The following N4BP1 variants were observed in gnomAD, a reference collection of about 807,000 sequenced individuals.
The protein encoded by N4BP1 is NEDD4 binding protein 1.
A neutral mutation model predicts 70.9 loss-of-function variants in N4BP1; 21 were observed. That is an observed-to-expected ratio of 0.30 (90% confidence interval 0.21 to 0.43). N4BP1 has a LOEUF of 0.43. Among genes scored for constraint, N4BP1 ranks in the 20% least tolerant of loss-of-function variants. The pLI is 1.00. For missense variants in N4BP1, 936 were observed against 1,069.4 expected (o/e 0.88, Z 1.74); for synonymous variants, 387 against 394.6 (o/e 0.98, Z 0.23).
intron 2 of N4BP1, among the ~76,000 whole-genome samples, chr16:48,557,452 T>C (rs1963772589): frequency 1.3e-5 from 2 of 152,238 alleles, no homozygotes; most frequent in Non-Finnish European, 2.9e-5. Context: ...CTTCATGTTG[T>C]ATAAATTATA....
At chr16:48,559,939 A>G (rs1031412380) in intron 2 of N4BP1, among the ~76,000 whole-genome samples, 7 of 152,182 alleles carry the variant, frequency 4.6e-5, no homozygotes, top group Non-Finnish European at 1.0e-4. Context: ...TGTTGAAATG[A>G]TATGGTAAAG....
At chr16:48,580,691 T>C (rs1567439021) in intron 1 of N4BP1, among the ~76,000 whole-genome samples, 1 of 152,146 alleles carries the variant, frequency 6.6e-6, no homozygotes, top group Non-Finnish European at 1.5e-5. Flanking sequence ...CAAAATATAG[T>C]TGGCCTTCTC....
At chr16:48,551,862 TA>T (rs908555151) in intron 3 of N4BP1, among the ~76,000 whole-genome samples, 1 of 152,012 alleles carries the variant, frequency 6.6e-6, no homozygotes, top group Non-Finnish European at 1.5e-5. Flanking sequence ...CTACTAAAAA[TA>T]CAAAATTAGC....
intron 1 of N4BP1, among the ~76,000 whole-genome samples, chr16:48,593,544 T>A (rs1332078816): frequency 6.6e-6 from 1 of 152,212 alleles, no homozygotes; most frequent in Non-Finnish European, 1.5e-5. Flanking sequence ...TAAAGAGGTA[T>A]TATTCTGTTT....
At chr16:48,592,164 G>C (rs954409791) in intron 1 of N4BP1, among the ~76,000 whole-genome samples, 1 of 152,162 alleles carries the variant, frequency 6.6e-6, no homozygotes, top group African/African-American at 2.4e-5. Context: ...AGGAGGTGGA[G>C]GTTGCAATGA....
chr16:48,584,306 T>G (rs1046381605), intron 1 of N4BP1, among the ~76,000 whole-genome samples: 1 of 152,244 alleles, frequency 6.6e-6, no homozygotes, highest in African/African-American at 2.4e-5. Flanking sequence ...ATGAAAGAAC[T>G]GTCTTTTTGA....
intron 1 of N4BP1, among the ~76,000 whole-genome samples, chr16:48,601,711 T>G (rs910446832): frequency 2.0e-5 from 3 of 151,438 alleles, no homozygotes; most frequent in East Asian, 1.9e-4. Flanking sequence ...TTTTTTGTGG[T>G]TTTTTTTGGT....
At chr16:48,551,855 C>T (rs1376662433) in intron 3 of N4BP1, among the ~76,000 whole-genome samples, 1 of 152,094 alleles carries the variant, frequency 6.6e-6, no homozygotes, top group African/African-American at 2.4e-5. Context: ...CCTGTCTCTA[C>T]TAAAAATACA....
At chr16:48,600,228 C>A in intron 1 of N4BP1, 1 of 796,228 alleles carries the variant, frequency 1.3e-6, no homozygotes, top group Non-Finnish European at 2.2e-6. Context: ...GATGTTCATC[C>A]GCAACGACTG....
In N4BP1 at chr16:48,538,964, G is replaced by A. The variant is rs1307707854; in HGVS notation, c.*3940C>T. 6.6e-6 allele frequency: 1 copy of A among 152,348 alleles called. No individual in the cohort carries two copies. The highest frequency in any genetic ancestry group is 2.4e-5 in the African/African-American group (1 of 41,436). 9.4% of individuals were successfully genotyped at this position (152,348 alleles called of 1,614,324 possible). On this transcript the variant is annotated 3_prime_UTR_variant, in exon 7 of 7. Coordinates refer to ENST00000262384, the MANE Select transcript of N4BP1 (RefSeq NM_153029.4). Reference sequence around the variant, plus strand: ...GGGGATGCTTCTGGCAGAAGCACTGGAAAGGAGACGAGGACTCAGGCTGGG... The same window carrying A: ...GGGGATGCTTCTGGCAGAAGCACTGAAAAGGAGACGAGGACTCAGGCTGGG...
In N4BP1 at chr16:48,594,170, G is replaced by A. The variant is rs550331616; in HGVS notation, c.198+15605C>T. On this transcript the variant is annotated intron_variant, in intron 1 of 6. Coordinates refer to ENST00000262384, the MANE Select transcript of N4BP1 (RefSeq NM_153029.4). ...TTAAGTAAACTACAAAAAAGGTGGC[G>A]GAGGGGGTGGTGTTGAGAGAAAAGA... is the stretch of plus-strand genomic sequence containing the variant. Among the ~76,000 whole-genome samples the A allele has an allele frequency of 1.1e-4, 17 of 152,260 alleles. 1 individual carries two copies. Among genetic ancestry groups the A allele is most frequent in the African/African-American group, 3.1e-4 (13 of 41,526 alleles).
chr16:48,592,942 GGT>G (rs1191635425), intron 1 of N4BP1, among the ~76,000 whole-genome samples: 1 of 152,086 alleles, frequency 6.6e-6, no homozygotes, highest in African/African-American at 2.4e-5. Flanking sequence ...TAAAAAGACT[GGT>G]TGTTTAAAGA....
At chr16:48,548,626 C>T (rs1402288897) in intron 4 of N4BP1, among the ~76,000 whole-genome samples, 1 of 151,998 alleles carries the variant, frequency 6.6e-6, no homozygotes, top group Non-Finnish European at 1.5e-5. Context: ...GTGGGCGGAT[C>T]ATTCAAGCCC....
At chr16:48,588,217 T>C (rs370395089) in intron 1 of N4BP1, among the ~76,000 whole-genome samples, 2 of 151,268 alleles carry the variant, frequency 1.3e-5, no homozygotes, top group African/African-American at 4.9e-5. Flanking sequence ...GGGGACGCAA[T>C]GAACAAAAAT....
chr16:48,557,799 A>G (rs963266951), intron 2 of N4BP1, among the ~76,000 whole-genome samples: 3 of 152,192 alleles, frequency 2.0e-5, no homozygotes, highest in African/African-American at 4.8e-5. Flanking sequence ...CCTTTAATTC[A>G]TCAACAAGTT....
At chr16:48,560,064 C>G (rs972827542) in intron 2 of N4BP1, among the ~76,000 whole-genome samples, 1 of 151,834 alleles carries the variant, frequency 6.6e-6, no homozygotes, top group Non-Finnish European at 1.5e-5. Flanking sequence ...GCTCTTGACC[C>G]TCACACTCTC....
At chr16:48,608,351 G>A (rs1439519665) in intron 1 of N4BP1, among the ~76,000 whole-genome samples, 1 of 152,104 alleles carries the variant, frequency 6.6e-6, no homozygotes, top group African/African-American at 2.4e-5. Flanking sequence ...TGAGTGCCCC[G>A]TCTCCTTTAA....
chr16:48,580,788 A>C (rs561658654), intron 1 of N4BP1, among the ~76,000 whole-genome samples: 39 of 152,300 alleles, frequency 2.6e-4, no homozygotes, highest in Non-Finnish European at 3.8e-4. Flanking sequence ...GGACATGTAC[A>C]GACTTTTTTC....
intron 1 of N4BP1, among the ~76,000 whole-genome samples, chr16:48,596,550 G>A (rs889964895): frequency 6.6e-6 from 1 of 152,130 alleles, no homozygotes; most frequent in African/African-American, 2.4e-5. Flanking sequence ...TAAACCCAAA[G>A]GGAAGGACTG....
Sources: allele counts gnomAD v4.1 joint callset (sites outside exome capture counted in the v4.1 genomes callset), GRCh38; gene constraint gnomAD v4.1.1; transcripts MANE v1.5; gene names NCBI Gene and HGNC (gene_info 2026-07-23, HGNC 2026-07-21).